MSRA: variants seen among roughly 807,000 people sequenced by gnomAD.
MSRA encodes methionine sulfoxide reductase A.
MSRA carries 54 observed loss-of-function variants against 31.3 expected under a neutral mutation model. The ratio of observed to expected loss-of-function variants is 1.73; its 90% CI spans 1.39 to 2.17. The LOEUF is 2.17. Among genes scored for constraint, MSRA ranks in the 30% most tolerant of loss-of-function variants. The probability of loss-of-function intolerance (pLI) is 0.00; values close to 1 mark genes in which losing one functional copy is unlikely to be tolerated. For missense variants in MSRA, 507 were observed against 300.9 expected, an observed-to-expected ratio of 1.69 and a Z score of -5.07; for synonymous variants, 169 against 116.5, an observed-to-expected ratio of 1.45 and a Z score of -2.90.
intron 1 of MSRA, among the ~76,000 whole-genome samples, chr8:10,200,752 C>T (rs7011287): frequency 0.02 from 3,075 of 152,278 alleles, 106 homozygotes; most frequent in African/African-American, 0.069. Context: ...AACACCATAT[C>T]GCACATTGTA....
chr8:10,165,607 T>G (rs148433954), intron 1 of MSRA, among the ~76,000 whole-genome samples: 6 of 152,232 alleles, frequency 3.9e-5, no homozygotes, highest in African/African-American at 1.4e-4. Flanking sequence ...TGGCTTCAAT[T>G]TCCTGATAAA....
At chr8:10,244,928 A>G (rs1797536048) in intron 2 of MSRA, among the ~76,000 whole-genome samples, 176 bp from the exon 3 acceptor site, 1 of 152,196 alleles carries the variant, frequency 6.6e-6, no homozygotes, top group African/African-American at 2.4e-5. Context: ...AAATAAAATT[A>G]TTTACCAATG....
intron 2 of MSRA, among the ~76,000 whole-genome samples, chr8:10,217,285 G>A (rs967521134): frequency 1.3e-5 from 2 of 152,162 alleles, no homozygotes; most frequent in Admixed American, 6.5e-5. Flanking sequence ...AGGAGTGAGC[G>A]GCGCGCAAGT....
intron 3 of MSRA, among the ~76,000 whole-genome samples, chr8:10,249,173 C>G (rs1281395942): frequency 1.3e-5 from 2 of 152,162 alleles, no homozygotes; most frequent in South Asian, 4.1e-4. Flanking sequence ...GTAAAACTTT[C>G]TAATCTTTTG....
chr8:10,281,771 A>G lies in MSRA; in HGVS notation c.332-19763A>G, dbSNP rs562960193. Among the ~76,000 whole-genome samples the G allele has an allele frequency of 3.0e-4, 45 of 152,344 alleles. 1 individual carries two copies. Among genetic ancestry groups the G allele is most frequent in the African/African-American group, 1.1e-3 (44 of 41,582 alleles). ...CTTGACCCCACCCTGTCTGTGAAGT[A>G]GCAGCCTGCTTTGTAAAGGGGCGCT... is the stretch of plus-strand genomic sequence containing the variant. On this transcript the variant is annotated intron_variant, in intron 3 of 5. Transcript: ENST00000317173.
intron 1 of MSRA, among the ~76,000 whole-genome samples, chr8:10,128,234 C>G (rs543480024): frequency 4.7e-4 from 72 of 152,142 alleles, no homozygotes; most frequent in Non-Finnish European, 7.5e-4. Context: ...AAAACATTAG[C>G]CAGGCGTGGT....
chr8:10,240,221 G>C (rs1812289401), intron 2 of MSRA, among the ~76,000 whole-genome samples: 1 of 152,192 alleles, frequency 6.6e-6, no homozygotes, highest in Non-Finnish European at 1.5e-5. Flanking sequence ...CCTTATGGTG[G>C]GTTGGTCCTC....
At chr8:10,112,668 A>C (rs1343244091) in intron 1 of MSRA, among the ~76,000 whole-genome samples, 1 of 152,226 alleles carries the variant, frequency 6.6e-6, no homozygotes, top group African/African-American at 2.4e-5. Flanking sequence ...GAAGACATTC[A>C]ATTAAATATG....
At chr8:10,201,893 A>G (rs1475565536) in intron 1 of MSRA, among the ~76,000 whole-genome samples, 3 of 152,212 alleles carry the variant, frequency 2.0e-5, no homozygotes, top group African/African-American at 7.2e-5. Flanking sequence ...CTCCCAGAGC[A>G]TGTGGCTTTG....
chr8:10,253,135 T>G (rs1187549798), intron 3 of MSRA, among the ~76,000 whole-genome samples: 1 of 152,138 alleles, frequency 6.6e-6, no homozygotes, highest in Non-Finnish European at 1.5e-5. Flanking sequence ...GGCCCCACAA[T>G]CCTGCTGTCC....
At chr8:10,320,123 G>T (rs542943246) in intron 5 of MSRA, 134 bp downstream of exon 5, 10 of 590,962 alleles carry the variant, frequency 1.7e-5, no homozygotes, top group Non-Finnish European at 3.0e-5. Flanking sequence ...ATTTCTGTCA[G>T]CCTCTAGGAG....
At chr8:10,331,537 C>T (rs1802700447) in intron 5 of MSRA, among the ~76,000 whole-genome samples, 1 of 152,156 alleles carries the variant, frequency 6.6e-6, no homozygotes, top group Non-Finnish European at 1.5e-5. Flanking sequence ...TTCACATTCC[C>T]AACATGACCC....
chr8:10,164,749 C>G (rs1804968381), intron 1 of MSRA, among the ~76,000 whole-genome samples: 1 of 152,148 alleles, frequency 6.6e-6, no homozygotes, highest in Non-Finnish European at 1.5e-5. Context: ...ACTTAAAAAT[C>G]ACCTGAGCCA....
rs558902117 is a variant in MSRA, at chr8:10,428,242, G to A, written c.638G>A (p.Ser213Asn). The A allele has an allele frequency of 2.5e-6, 4 of 1,614,080 alleles. No individual in the cohort carries two copies. The highest frequency in any genetic ancestry group is 1.7e-5 in the Admixed American group (1 of 60,016). Residue 213 changes from serine to asparagine, a missense_variant, in exon 6 of 6, where the codon AGC becomes AAC. Physicochemically the swap from Ser to Asn is conservative, Grantham distance 46 (BLOSUM62 1). Coordinates refer to ENST00000317173, the MANE Select transcript of MSRA (RefSeq NM_012331.5). ...GAAGACTACCACCAGCAGTACCTGA[G>A]CAAGAACCCCAATGGCTACTGCGGC... ...YAEDYHQQYL[S>N]KNPNGYCGLG...
At chr8:10,141,241 G>T (rs1434971484) in intron 1 of MSRA, among the ~76,000 whole-genome samples, 1 of 152,100 alleles carries the variant, frequency 6.6e-6, no homozygotes, top group Non-Finnish European at 1.5e-5. Flanking sequence ...TGTGTGCCTC[G>T]CCCCTCACGC....
chr8:10,116,493 G>T (rs1010396117), intron 1 of MSRA, among the ~76,000 whole-genome samples: 2 of 152,218 alleles, frequency 1.3e-5, no homozygotes, highest in Admixed American at 6.5e-5. Flanking sequence ...GCGGTACAGA[G>T]AACAAAGAGG....
chr8:10,353,524 C>T, intron 5 of MSRA: 3 of 444,004 alleles, frequency 6.8e-6, no homozygotes, highest in Non-Finnish European at 1.4e-5. Flanking sequence ...CAGTTGGTCC[C>T]CTGCAGAGCA....
chr8:10,168,360 G>A (rs774749218), intron 1 of MSRA, among the ~76,000 whole-genome samples: 5 of 152,002 alleles, frequency 3.3e-5, no homozygotes, highest in Non-Finnish European at 7.4e-5. Context: ...CTTCCACGTC[G>A]CTGGTGTGCT....
intron 1 of MSRA, among the ~76,000 whole-genome samples, chr8:10,204,222 C>T (rs1411537339): frequency 2.0e-5 from 3 of 152,082 alleles, no homozygotes; most frequent in South Asian, 4.1e-4. Flanking sequence ...ATTACAGTAG[C>T]TGAGGTTAAT....
Sources: allele counts gnomAD v4.1 joint callset (sites outside exome capture counted in the v4.1 genomes callset), GRCh38; gene constraint gnomAD v4.1.1; transcripts MANE v1.5; gene names NCBI Gene and HGNC (gene_info 2026-07-23, HGNC 2026-07-21).